Variants in KIAA1328 observed in about 807,000 individuals in gnomAD.
The protein encoded by KIAA1328 is KIAA1328.
A neutral mutation model predicts 68.1 loss-of-function variants in KIAA1328; 52 were observed. The observed-to-expected ratio is 0.76, with a 90% CI of 0.61 to 0.96. The LOEUF (loss-of-function observed/expected upper bound fraction) is 0.96, where lower values mean the gene tolerates loss of function less well. Among genes scored for constraint, KIAA1328 ranks in the 40% least tolerant of loss-of-function variants. The pLI is 0.00. For missense variants in KIAA1328, 641 were observed against 677.6 expected, an observed-to-expected ratio of 0.95 and a Z score of 0.60; for synonymous variants, 232 against 239.4, an observed-to-expected ratio of 0.97 and a Z score of 0.28.
intron 7 of KIAA1328, among the ~76,000 whole-genome samples, chr18:37,068,794 T>G (rs1321930427): frequency 6.6e-6 from 1 of 152,138 alleles, no homozygotes. Context: ...TCTTTAATTT[T>G]TTTTTCTTTT....
In KIAA1328 at chr18:37,200,639, G is replaced by A. The variant is rs536668238; in HGVS notation, c.1524-21378G>A. On this transcript the variant is annotated intron_variant, in intron 9 of 9. Transcript: ENST00000280020. ...ATCCTGGCTAACAAGGTGAAACCCC[G>A]TCTCTACTAAAAATACAAAAAATTA... Among the ~76,000 whole-genome samples the A allele has an allele frequency of 1.6e-4, 24 of 151,688 alleles. 1 individual carries two copies. Among genetic ancestry groups the A allele is most frequent in the East Asian group, 1.6e-3 (8 of 5,136 alleles).
intron 6 of KIAA1328, among the ~76,000 whole-genome samples, chr18:37,009,384 TAAG>T (rs938194691): frequency 6.6e-6 from 1 of 152,172 alleles, no homozygotes; most frequent in Non-Finnish European, 1.5e-5. Flanking sequence ...GAAATCGCCT[TAAG>T]AGGATAGAGG....
intron 6 of KIAA1328, among the ~76,000 whole-genome samples, chr18:37,054,909 T>G (rs926783858): frequency 3.9e-5 from 6 of 152,242 alleles, no homozygotes; most frequent in African/African-American, 1.4e-4. Context: ...GCATCTGTTC[T>G]GACATTTGGT....
intron 7 of KIAA1328, among the ~76,000 whole-genome samples, chr18:37,147,055 C>T (rs2058919423): frequency 6.6e-6 from 1 of 152,164 alleles, no homozygotes; most frequent in Non-Finnish European, 1.5e-5. Flanking sequence ...CCACCTCTCA[C>T]CATGTACTAT....
intron 7 of KIAA1328, among the ~76,000 whole-genome samples, chr18:37,156,350 C>T (rs1453645821): frequency 6.8e-6 from 1 of 147,118 alleles, no homozygotes; most frequent in Non-Finnish European, 1.5e-5. Flanking sequence ...CGCTTGAACC[C>T]GGGAGGCAGA....
In KIAA1328 at chr18:36,883,323, C is replaced by T. The variant is rs560236215; in HGVS notation, c.333-2234C>T. On this transcript the variant is annotated intron_variant, in intron 4 of 9. Coordinates refer to ENST00000280020, the MANE Select transcript of KIAA1328 (RefSeq NM_020776.3). ...ACACCACACCATATGTGACAGGTCACAGTCAGTCAAAACACAGGCATACAG... is the reference window on the plus strand; with the variant it reads ...ACACCACACCATATGTGACAGGTCATAGTCAGTCAAAACACAGGCATACAG... Among the ~76,000 whole-genome samples, 70 of 152,292 alleles carry T rather than the reference C, an allele frequency of 4.6e-4. 1 individual carries two copies. In the South Asian group the frequency reaches 0.014, roughly 31 times the overall value.
chr18:36,877,514 G>GTT (rs34759198), intron 4 of KIAA1328, among the ~76,000 whole-genome samples: 39 of 119,172 alleles, frequency 3.3e-4, no homozygotes, highest in Non-Finnish European at 3.3e-4. Flanking sequence ...TTTTTTGTTG[G>GTT]TTTTTTTTTT....
intron 6 of KIAA1328, among the ~76,000 whole-genome samples, chr18:37,016,908 A>C (rs571431826): frequency 4.6e-5 from 7 of 152,170 alleles, no homozygotes; most frequent in Admixed American, 2.6e-4. Context: ...TTATCCTTTC[A>C]AATAACCAAT....
chr18:36,885,415 A>T (rs939237200), intron 4 of KIAA1328, 142 bp from the exon 5 acceptor site: 2 of 469,738 alleles, frequency 4.3e-6, no homozygotes, highest in Non-Finnish European at 7.6e-6. Flanking sequence ...AGTTTTTTAA[A>T]AAGCAACAAC....
chr18:37,172,836 TTGTTACATTTCAGGGAAACAAG>T, intron 8 of KIAA1328, 115 bp from the exon 9 acceptor site: 1 of 530,146 alleles, frequency 1.9e-6, no homozygotes. Flanking sequence ...TCATATGCCA[TTGTTACATTTCAGGGAAACAAG>T]TGGCTTACCT....
At position 36,919,976 on chromosome 18, in the gene KIAA1328, T is replaced by G. The variant is rs1323408863; in HGVS notation, c.448+34304T>G. On this transcript the variant is annotated intron_variant, in intron 5 of 9. Coordinates refer to ENST00000280020, the MANE Select transcript of KIAA1328 (RefSeq NM_020776.3). ...CTTATAGATTCTAGATATTAGACCT[T>G]TGTTAGATGCACAGTTTATGAATAT... is the stretch of plus-strand genomic sequence containing the variant. Among the ~76,000 whole-genome samples, 3 of 152,174 alleles carry G rather than the reference T, an allele frequency of 2.0e-5. No individual in the cohort carries two copies. In the East Asian group the frequency reaches 5.8e-4, roughly 29 times the overall value.
intron 7 of KIAA1328, among the ~76,000 whole-genome samples, chr18:37,070,318 G>T (rs1007748066): frequency 6.6e-6 from 1 of 152,004 alleles, no homozygotes; most frequent in Non-Finnish European, 1.5e-5. Flanking sequence ...TCTGTAAATT[G>T]TATCCTATTA....
At position 37,128,915 on chromosome 18, in the gene KIAA1328, A is replaced by G. The variant is rs1329910010; in HGVS notation, c.1233-31285A>G. Among the ~76,000 whole-genome samples the G allele has an allele frequency of 2.7e-5, 4 of 150,826 alleles. No homozygotes were observed. In the East Asian group the frequency reaches 5.8e-4, roughly 22 times the overall value. ...GAAAAAAAAGACAACAAAAAAGACC[A>G]TATATGGTATGATCCATTTATTGGC... is the stretch of plus-strand genomic sequence containing the variant. On this transcript the variant is annotated intron_variant, in intron 7 of 9. Transcript: ENST00000280020.
chr18:36,901,620 G>A (rs1220125348), intron 5 of KIAA1328, among the ~76,000 whole-genome samples: 1 of 151,984 alleles, frequency 6.6e-6, no homozygotes, highest in Non-Finnish European at 1.5e-5. Context: ...ATGTCTGACA[G>A]CTCAGGGCGG....
intron 4 of KIAA1328, among the ~76,000 whole-genome samples, chr18:36,853,496 G>C (rs1297163833): frequency 1.3e-5 from 2 of 151,198 alleles, no homozygotes; most frequent in Non-Finnish European, 2.9e-5. Flanking sequence ...GTTACCCTGG[G>C]GTTTACAGTT....
At chr18:37,081,850 C>T (rs2056958915) in intron 7 of KIAA1328, among the ~76,000 whole-genome samples, 1 of 152,172 alleles carries the variant, frequency 6.6e-6, no homozygotes, top group Admixed American at 6.5e-5. Context: ...TTCATTATAA[C>T]ACGGTCAAAA....
At position 36,909,819 on chromosome 18, in the gene KIAA1328, G is replaced by C. The variant is rs530092628; in HGVS notation, c.448+24147G>C. On this transcript the variant is annotated intron_variant, in intron 5 of 9. Coordinates refer to ENST00000280020, the MANE Select transcript of KIAA1328 (RefSeq NM_020776.3). ...CTGTTGTTTCCTGACTTTAATGATC[G>C]CCATTCTAACTGGTGTGAGATGGTA... Among the ~76,000 whole-genome samples the C allele has an allele frequency of 2.6e-4, 40 of 152,218 alleles. 1 individual carries two copies. The highest frequency in any genetic ancestry group is 6.3e-4 in the African/African-American group (26 of 41,552).
chr18:36,980,976 C>G (rs181822521), intron 6 of KIAA1328, among the ~76,000 whole-genome samples: 4 of 152,076 alleles, frequency 2.6e-5, no homozygotes, highest in Non-Finnish European at 5.9e-5. Context: ...GCCCAGTCTT[C>G]GGTATGTCTT....
intron 6 of KIAA1328, among the ~76,000 whole-genome samples, chr18:36,976,996 G>T (rs2052498421): frequency 6.6e-6 from 1 of 152,118 alleles, no homozygotes; most frequent in African/African-American, 2.4e-5. Flanking sequence ...CTACAGTGTG[G>T]TATCTTCTTG....
Sources: gnomAD v4.1 joint callset for allele counts (sites outside exome capture counted in the v4.1 genomes callset) on GRCh38, gnomAD v4.1.1 for gene constraint, MANE v1.5 for transcripts, NCBI Gene and HGNC (gene_info 2026-07-23, HGNC 2026-07-21) for gene names.